SLC25A22: variants seen among roughly 807,000 people sequenced by gnomAD.
The protein encoded by SLC25A22 is mitochondrial glutamate carrier 1.
A neutral mutation model predicts 33.7 loss-of-function variants in SLC25A22; 23 were observed. That is an observed-to-expected ratio of 0.68 (90% CI 0.49 to 0.97). SLC25A22 has a LOEUF of 0.97. Ranked by LOEUF, SLC25A22 falls within the 50% of genes least tolerant of loss-of-function variation. SLC25A22 has a pLI of 0.00. For missense variants in SLC25A22, 390 were observed against 451.1 expected, an observed-to-expected ratio of 0.86 and a Z score of 1.23; for synonymous variants, 245 against 203.8, an observed-to-expected ratio of 1.20 and a Z score of -1.72.
chr11:793,996 G>A, intron 4 of SLC25A22: 7 of 470,472 alleles, frequency 1.5e-5, no homozygotes, highest in South Asian at 1.4e-4. Context: ...GGAGTGTGTG[G>A]TCTGGACTGG....
rs1475671650 is a variant in SLC25A22, at chr11:798,203, G to C, written c.-164+14C>G. On this transcript the variant is annotated intron_variant, in intron 1 of 9. Transcript: ENST00000628067. ...ATGGGCGCAGCAGAAGGGAGCCGCC[G>C]GGCAGACACTCACCACGCTCGCCGC... 4 of 397,012 alleles carry C rather than the reference G, an allele frequency of 1.0e-5. No individual in the cohort carries two copies. The highest frequency in any genetic ancestry group is 4.1e-5 in the African/African-American group (2 of 48,442). The allele number at this position is 397,012 out of a possible 1,614,324, so 24.6% of individuals were successfully genotyped here. A position where few individuals can be genotyped will look rare whatever the true frequency, so the allele number is the denominator to read the frequency against.
In SLC25A22 at chr11:792,034, G is replaced by A. The variant is rs759256797; in HGVS notation, c.853C>T (p.Leu285=). The A allele has an allele frequency of 2.5e-5, 40 of 1,602,256 alleles. No individual in the cohort carries two copies. The highest frequency in any genetic ancestry group is 3.2e-5 in the Non-Finnish European group (38 of 1,175,280). The stretch of plus-strand genomic sequence containing the variant: ...AGCGCGCGGCAGTAGGCGCCCTTCA[G>A]GAAGGCCGAGGGGCCCTCGTGCCGC... ...ILRHEGPSAF[L]KGAYCRALVI... is the part of the protein sequence containing the mutation. The change falls in exon 10 of 10, where the codon CTG becomes TTG. Residue 285 remains leucine, a synonymous_variant. Transcript: ENST00000628067.
At chr11:793,201 C>T (rs1350033496) in intron 5 of SLC25A22, among the ~76,000 whole-genome samples, 1 of 152,154 alleles carries the variant, frequency 6.6e-6, no homozygotes. Flanking sequence ...CTGGGGAGGG[C>T]AGTGGGGCTG....
rs535992217 is a variant in SLC25A22 at position 790,849 on chromosome 11, C to G, written c.*1066G>C. 12 of 152,292 alleles carry G rather than the reference C, an allele frequency of 7.9e-5. No individual in the cohort carries two copies. The highest frequency in any genetic ancestry group is 1.5e-4 in the Non-Finnish European group (10 of 68,002). The allele number at this position is 152,292 out of a possible 1,614,324, so 9.4% of individuals were successfully genotyped here. A position where few individuals can be genotyped will look rare whatever the true frequency, so the allele number is the denominator to read the frequency against. On this transcript the variant is annotated 3_prime_UTR_variant, in exon 10 of 10. Coordinates refer to ENST00000628067, the MANE Select transcript of SLC25A22 (RefSeq NM_001191061.2). Reference sequence around the variant, plus strand: ...GAAGTGTGGTCAGGGGCCTTATGCCCGGAGGCGGGAAGGATGGGGCTTCTG... The same window carrying G: ...GAAGTGTGGTCAGGGGCCTTATGCCGGGAGGCGGGAAGGATGGGGCTTCTG...
At chr11:792,275 C>T (rs1392489780) in intron 8 of SLC25A22, 29 bp downstream of exon 8, 2 of 1,612,950 alleles carry the variant, frequency 1.2e-6, no homozygotes, top group East Asian at 2.2e-5. Flanking sequence ...CCGCCCCATC[C>T]CCAGCCGGGC....
rs886048697 is a variant in SLC25A22, at chr11:792,881, G to A, written c.401C>T (p.Ala134Val). 1.9e-6 allele frequency: 3 copies of A among 1,599,304 alleles called. No individual in the cohort carries two copies. Among genetic ancestry groups the A allele is most frequent in the Non-Finnish European group, 2.6e-6 (3 of 1,174,574 alleles). ...CCCCCCGCCCTCACCAATGCGCCCT[G>A]CATCCTGCAGCTGGATCTTCAGCAT... Reference protein sequence around the residue: ...MEMLKIQLQDAGRIAAQRKIL... With the variant: ...MEMLKIQLQDVGRIAAQRKIL... The change falls in exon 6 of 10, where the codon GCA becomes GTA. Residue 134 changes from alanine (A) to valine (V), a missense_variant. Coordinates refer to ENST00000628067, the MANE Select transcript of SLC25A22 (RefSeq NM_001191061.2).
In SLC25A22 at chr11:791,576, C is replaced by T. The variant is rs1590116540; in HGVS notation, c.*339G>A. 5.0e-6 allele frequency: 2 copies of T among 399,348 alleles called. No individual in the cohort carries two copies. Among genetic ancestry groups the T allele is most frequent in the East Asian group, 1.1e-4 (2 of 18,496 alleles). 24.7% of individuals were successfully genotyped at this position (399,348 alleles called of 1,614,324 possible). A position where few individuals can be genotyped will look rare whatever the true frequency, so the allele number is the denominator to read the frequency against. On this transcript the variant is annotated 3_prime_UTR_variant, in exon 10 of 10. Coordinates refer to ENST00000628067, the MANE Select transcript of SLC25A22 (RefSeq NM_001191061.2). ...GGAGCTGGTGGACTGGGGGTATGGT[C>T]CAGCCTGCCCGGCCCAGGCCCGGGG...
intron 1 of SLC25A22, 21 bp downstream of exon 1, chr11:798,196 A>AGCCGCCGGGCAGACACTCACCACGCTC: frequency 2.5e-6 from 1 of 396,840 alleles, no homozygotes; most frequent in African/African-American, 2.1e-5. Context: ...AGCAGAAGGG[A>AGCCGCCGGGCAGACACTCACCACGCTC]GCCGCCGGGC....
At chr11:795,534 G>A in intron 1 of SLC25A22, 1 of 310,498 alleles carries the variant, frequency 3.2e-6, no homozygotes, top group Non-Finnish European at 6.4e-6. Flanking sequence ...GACCTGGACA[G>A]CTGTGGTGAC....
At position 792,150 on chromosome 11, in the gene SLC25A22, G is replaced by A. The variant is rs748229288; in HGVS notation, c.810C>T (p.Asp270=). Residue 270 remains aspartate, a synonymous_variant, in exon 9 of 10, where the codon GAC becomes GAT. Coordinates refer to ENST00000628067, the MANE Select transcript of SLC25A22 (RefSeq NM_001191061.2). ...VNEDTYSGIL[D]CARKILRHEG... The stretch of plus-strand genomic sequence containing the variant: ...CCGTGGGACCTCCCCACCTGGCACA[G>A]TCCAGGATCCCAGAGTAGGTGTCCT... The A allele has an allele frequency of 6.2e-6, 10 of 1,612,588 alleles. No individual in the cohort carries two copies. The highest frequency in any genetic ancestry group is 7.6e-6 in the Non-Finnish European group (9 of 1,179,732).
intron 1 of SLC25A22, chr11:797,831 C>G (rs1487566434): frequency 2.5e-6 from 1 of 398,578 alleles, no homozygotes. Flanking sequence ...CCCTGCCCTA[C>G]TGCTGGGGCT....
chr11:793,038 C>T, intron 5 of SLC25A22, 50 bp from the exon 6 acceptor site: 1 of 1,567,160 alleles, frequency 6.4e-7, no homozygotes, highest in Non-Finnish European at 8.7e-7. Context: ...GGTCTACCTG[C>T]CACCCTCGGG....
chr11:795,293 T>C, intron 1 of SLC25A22, 124 bp from the exon 2 acceptor site: 2 of 569,786 alleles, frequency 3.5e-6, no homozygotes, highest in Non-Finnish European at 6.4e-6. Flanking sequence ...CACTGCGTCC[T>C]GAGGGTGCAG....
Position 795,148 on chromosome 11 carries a change from G to A in SLC25A22, c.-142C>T, listed in dbSNP as rs1389814660. ...TCCACCTTCAGGGGAATTTCCAGGC[G>A]TCAGCAACCGCCACTTCTGTCCTAG... On this transcript the variant is annotated 5_prime_UTR_variant, in exon 2 of 10. The change creates a new upstream start codon in the 5' untranslated region. Coordinates refer to ENST00000628067, the MANE Select transcript of SLC25A22 (RefSeq NM_001191061.2). The A allele has an allele frequency of 8.1e-6, 8 of 989,358 alleles. No homozygotes were observed. Among genetic ancestry groups the A allele is most frequent in the East Asian group, 2.6e-5 (1 of 38,466 alleles). The allele number at this position is 989,358 out of a possible 1,614,324, so 61.3% of individuals were successfully genotyped here.
Position 794,036 on chromosome 11 carries a change from C to T in SLC25A22, c.203-417G>A, listed in dbSNP as rs1864665083. On this transcript the variant is annotated intron_variant, in intron 4 of 9. Transcript: ENST00000628067. ...GAGCTCGGGGGAGGCTGTGGAGAGC[C>T]CCCATCTCAGTGCCGAAGGCTCAGG... is the stretch of plus-strand genomic sequence containing the variant. The T allele has an allele frequency of 7.1e-5, 34 of 478,186 alleles. 1 individual carries two copies. The highest frequency in any genetic ancestry group is 6.6e-4 in the South Asian group (34 of 51,688). 29.6% of individuals were successfully genotyped at this position (478,186 alleles called of 1,614,324 possible).
At chr11:794,138 C>G in intron 4 of SLC25A22, 2 of 645,782 alleles carry the variant, frequency 3.1e-6, no homozygotes, top group Admixed American at 2.1e-5. Flanking sequence ...TACTCCCTCC[C>G]ATCCCCAGCC....
At chr11:797,783 T>C (rs1864915358) in intron 1 of SLC25A22, 2 of 398,438 alleles carry the variant, frequency 5.0e-6, no homozygotes, top group South Asian at 1.3e-4. Flanking sequence ...GAGAAGCGGG[T>C]TGGGGGCCGC....
Position 794,876 on chromosome 11 carries a change from C to CCG in SLC25A22, c.45_46insCG (p.Gly16ArgfsTer6). Reference sequence around the variant, plus strand: ...GTGACACCGATCAGCCCGGCGATGCCGCCATTGATGAGCTTGGCTGGCAGG... The same window carrying CCG: ...GTGACACCGATCAGCCCGGCGATGCCCGGCCATTGATGAGCTTGGCTGGCAGG... On this transcript the variant is annotated frameshift_variant, in exon 3 of 10. Coordinates refer to ENST00000628067, the MANE Select transcript of SLC25A22 (RefSeq NM_001191061.2). LOFTEE classifies it high-confidence loss of function. 6.4e-7 allele frequency: 1 copy of CCG among 1,567,944 alleles called. No individual in the cohort carries two copies. Among genetic ancestry groups the CCG allele is most frequent in the South Asian group, 1.2e-5 (1 of 85,374 alleles).
Position 792,152 on chromosome 11 carries a change from C to T in SLC25A22, c.808G>A (p.Asp270Asn). The stretch of plus-strand genomic sequence containing the variant: ...GTGGGACCTCCCCACCTGGCACAGT[C>T]CAGGATCCCAGAGTAGGTGTCCTCG... ...VNEDTYSGIL[D>N]CARKILRHEG... Residue 270 changes from aspartate (D) to asparagine (N), a missense_variant, in exon 9 of 10, where the codon GAC becomes AAC. Asp to Asn is a conservative substitution (Grantham distance 23, BLOSUM62 1). Coordinates refer to ENST00000628067, the MANE Select transcript of SLC25A22 (RefSeq NM_001191061.2). The T allele has an allele frequency of 6.2e-7, 1 of 1,612,620 alleles. No individual in the cohort carries two copies. The highest frequency in any genetic ancestry group is 8.5e-7 in the Non-Finnish European group (1 of 1,179,760).
Sources: gnomAD v4.1 joint callset for allele counts (sites outside exome capture counted in the v4.1 genomes callset) on GRCh38, gnomAD v4.1.1 for gene constraint, MANE v1.5 for transcripts, NCBI Gene and HGNC (gene_info 2026-07-23, HGNC 2026-07-21) for gene names.